Variants in SYNPR observed in about 807,000 individuals in gnomAD.
SYNPR encodes the protein synaptoporin.
In SYNPR, 23 loss-of-function variants were observed where a neutral mutation model predicts 32.9. The ratio of observed to expected loss-of-function variants is 0.70; its 90% CI spans 0.50 to 0.99. The LOEUF is 0.99. Among genes scored for constraint, SYNPR ranks in the 50% least tolerant of loss-of-function variants. SYNPR has a pLI of 0.00. For synonymous variants in SYNPR, 146 were observed against 135.9 expected, an observed-to-expected ratio of 1.07 and a Z score of -0.52; for missense variants, 318 against 349.3, an observed-to-expected ratio of 0.91 and a Z score of 0.71.
At chr3:63,510,158 T>A (rs1701669866) in intron 3 of SYNPR, among the ~76,000 whole-genome samples, 1 of 152,132 alleles carries the variant, frequency 6.6e-6, no homozygotes, top group African/African-American at 2.4e-5. Context: ...TTGAAAGGAT[T>A]ATGTGATAGA....
chr3:63,567,065 T>G (rs181309752), intron 4 of SYNPR, among the ~76,000 whole-genome samples: 86 of 152,302 alleles, frequency 5.6e-4, no homozygotes. Flanking sequence ...ATATTATTTT[T>G]TGTTCTCTGA....
chr3:63,299,203 C>G (rs554105029), intron 2 of SYNPR, among the ~76,000 whole-genome samples: 2 of 152,056 alleles, frequency 1.3e-5, no homozygotes, highest in African/African-American at 4.8e-5. Flanking sequence ...TATCAAAAGG[C>G]AAGGAGTTAA....
At chr3:63,462,339 A>G (rs1700599410) in intron 2 of SYNPR, among the ~76,000 whole-genome samples, 3 of 152,116 alleles carry the variant, frequency 2.0e-5, no homozygotes, top group Admixed American at 2.0e-4. Context: ...TTCTTGCTAT[A>G]TACATAAATA....
intron 2 of SYNPR, among the ~76,000 whole-genome samples, chr3:63,470,972 G>T (rs967779201): frequency 2.0e-4 from 31 of 152,308 alleles, no homozygotes; most frequent in Admixed American, 1.3e-3. Context: ...GCCATGTGGT[G>T]CAGTCCCCAG....
chr3:63,416,777 T>C (rs11919618), intron 2 of SYNPR, among the ~76,000 whole-genome samples: 32,782 of 150,818 alleles, frequency 0.22, 3,860 homozygotes, highest in African/African-American at 0.28. Flanking sequence ...GCAGGAAAAT[T>C]CCCCCCTGTA....
At chr3:63,349,029 A>T (rs2087472583) in intron 2 of SYNPR, among the ~76,000 whole-genome samples, 1 of 152,116 alleles carries the variant, frequency 6.6e-6, no homozygotes, top group South Asian at 2.1e-4. Flanking sequence ...ATCTGTGAAA[A>T]ATGACATTGA....
At chr3:63,251,304 T>C (rs2086329169) in intron 1 of SYNPR, among the ~76,000 whole-genome samples, 1 of 150,406 alleles carries the variant, frequency 6.6e-6, no homozygotes, top group South Asian at 2.1e-4. Flanking sequence ...TATTGCTAAA[T>C]AAAAAAATAA....
chr3:63,243,845 T>A (rs185539648), intron 1 of SYNPR, among the ~76,000 whole-genome samples: 1 of 151,806 alleles, frequency 6.6e-6, no homozygotes, highest in East Asian at 1.9e-4. Flanking sequence ...CCCACCCAGA[T>A]TGAGTTAAAG....
intron 2 of SYNPR, chr3:63,452,137 C>T (rs1444371294): frequency 8.6e-6 from 6 of 701,628 alleles, no homozygotes; most frequent in African/African-American, 5.2e-5. Context: ...TTCTTATTTG[C>T]TCACTCATTC....
At chr3:63,435,827 C>T (rs1245352834) in intron 2 of SYNPR, among the ~76,000 whole-genome samples, 2 of 152,152 alleles carry the variant, frequency 1.3e-5, no homozygotes, top group Non-Finnish European at 2.9e-5. Flanking sequence ...TGTTCATATA[C>T]CTACCTTTAT....
intron 2 of SYNPR, among the ~76,000 whole-genome samples, chr3:63,440,964 T>C (rs1420512705): frequency 1.3e-5 from 2 of 152,086 alleles, no homozygotes. Flanking sequence ...TACTGCAGGG[T>C]CCATGCATCC....
intron 2 of SYNPR, among the ~76,000 whole-genome samples, chr3:63,388,558 G>GTGTGTGTGTA (rs758562223): frequency 1.1e-3 from 114 of 107,950 alleles, no homozygotes; most frequent in Non-Finnish European, 1.6e-3. Flanking sequence ...CGGCTAATTT[G>GTGTGTGTGTA]TGTGTGTGTG....
At chr3:63,403,423 C>T (rs2088318467) in intron 2 of SYNPR, among the ~76,000 whole-genome samples, 1 of 145,078 alleles carries the variant, frequency 6.9e-6, no homozygotes. Context: ...CACACATTCT[C>T]ATACGTATGT....
intron 2 of SYNPR, among the ~76,000 whole-genome samples, chr3:63,470,808 G>A (rs963288204): frequency 2.6e-5 from 4 of 152,150 alleles, no homozygotes; most frequent in African/African-American, 9.7e-5. Context: ...TTGTGACAAT[G>A]AGGCAAAGAC....
chr3:63,403,623 G>A (rs982684653), intron 2 of SYNPR, among the ~76,000 whole-genome samples: 3 of 152,134 alleles, frequency 2.0e-5, no homozygotes, highest in African/African-American at 4.8e-5. Context: ...TTGCAGTATG[G>A]AGAGCTGAAA....
At chr3:63,447,318 C>G (rs1700296181) in intron 2 of SYNPR, among the ~76,000 whole-genome samples, 1 of 152,116 alleles carries the variant, frequency 6.6e-6, no homozygotes, top group Non-Finnish European at 1.5e-5. Flanking sequence ...TGACTAAATT[C>G]CAAATCAATA....
At chr3:63,494,458 TAC>T (rs1227237808) in intron 3 of SYNPR, among the ~76,000 whole-genome samples, 152 of 131,948 alleles carry the variant, frequency 1.2e-3, no homozygotes, top group South Asian at 2.0e-3. Flanking sequence ...CACATATATA[TAC>T]ATATATACAC....
rs968796672 is a variant in SYNPR, at chr3:63,567,202, C to T, written c.408+10461C>T. Among the ~76,000 whole-genome samples, 8 of 152,154 alleles carry T rather than the reference C, an allele frequency of 5.3e-5. No homozygotes were observed. In the East Asian group the frequency reaches 1.2e-3, roughly 22 times the overall value. On this transcript the variant is annotated intron_variant, in intron 4 of 5. Transcript: ENST00000478300. The stretch of plus-strand genomic sequence containing the variant: ...GCTATCCCACTACCACTCTGGCACT[C>T]AGATCTCATGGTTTAGGGAAAGAGG...
chr3:63,463,095 A>G (rs1004330969), intron 2 of SYNPR, among the ~76,000 whole-genome samples: 5 of 152,184 alleles, frequency 3.3e-5, no homozygotes, highest in Admixed American at 1.3e-4. Context: ...TGCCACCCAT[A>G]GTTACTGAGG....
Sources: allele counts gnomAD v4.1 joint callset (sites outside exome capture counted in the v4.1 genomes callset), GRCh38; gene constraint gnomAD v4.1.1; transcripts MANE v1.5; gene names NCBI Gene and HGNC (gene_info 2026-07-23, HGNC 2026-07-21).